KCNT2: variants seen among roughly 807,000 people sequenced by gnomAD.
The protein encoded by KCNT2 is potassium channel subfamily T member 2.
In KCNT2, 67 loss-of-function variants were observed where a neutral mutation model predicts 153.8. The ratio of observed to expected loss-of-function variants is 0.44; its 90% CI spans 0.36 to 0.53. KCNT2 has a LOEUF of 0.53. Ranked by LOEUF, KCNT2 falls within the 20% of genes least tolerant of loss-of-function variation. KCNT2 has a pLI of 0.00. For synonymous variants in KCNT2, 500 were observed against 458.8 expected, an observed-to-expected ratio of 1.09 and a Z score of -1.15; for missense variants, 975 against 1,354.8, an observed-to-expected ratio of 0.72 and a Z score of 4.40.
At chr1:196,538,012 C>G (rs565952387) in intron 1 of KCNT2, among the ~76,000 whole-genome samples, 37 of 152,304 alleles carry the variant, frequency 2.4e-4, no homozygotes, top group African/African-American at 8.7e-4. Flanking sequence ...AACTCCTTTC[C>G]TGAGCTGTGT....
chr1:196,375,998 A>G (rs1668934929), intron 13 of KCNT2, among the ~76,000 whole-genome samples: 1 of 151,902 alleles, frequency 6.6e-6, no homozygotes, highest in African/African-American at 2.4e-5. Flanking sequence ...AACTGCTTCT[A>G]TATCTAGACT....
intron 5 of KCNT2, among the ~76,000 whole-genome samples, chr1:196,474,432 T>C (rs1371030084): frequency 6.6e-6 from 1 of 152,168 alleles, no homozygotes; most frequent in Non-Finnish European, 1.5e-5. Context: ...TATTTCTACA[T>C]ATAAACCCAA....
rs573682623 is a variant in KCNT2 at position 196,226,343 on chromosome 1, T to C, written c.*1881A>G. On this transcript the variant is annotated 3_prime_UTR_variant, in exon 28 of 28. Transcript: ENST00000294725. ...CATAAAATTTATTGTTTTTCTCTGT[T>C]ACATATATTAGTTCCATTCTGCCTT... 1 of 152,040 alleles carries C rather than the reference T, an allele frequency of 6.6e-6. No individual in the cohort carries two copies. Among genetic ancestry groups the C allele is most frequent in the Non-Finnish European group, 1.5e-5 (1 of 67,880 alleles). The allele number at this position is 152,040 out of a possible 1,614,324, so 9.4% of individuals were successfully genotyped here. A position where few individuals can be genotyped will look rare whatever the true frequency, so the allele number is the denominator to read the frequency against.
intron 25 of KCNT2, among the ~76,000 whole-genome samples, chr1:196,264,205 G>A (rs1406937934): frequency 2.0e-5 from 3 of 152,090 alleles, no homozygotes. Flanking sequence ...TTAATATCAT[G>A]TAACTGCTAA....
intron 1 of KCNT2, among the ~76,000 whole-genome samples, chr1:196,494,460 C>T (rs1282758121): frequency 6.6e-6 from 1 of 151,924 alleles, no homozygotes; most frequent in Non-Finnish European, 1.5e-5. Flanking sequence ...AGTGCAGTGG[C>T]GCGATCTCAG....
chr1:196,436,875 T>C (rs1674711046), intron 8 of KCNT2, among the ~76,000 whole-genome samples: 1 of 148,270 alleles, frequency 6.7e-6, no homozygotes, highest in African/African-American at 2.5e-5. Flanking sequence ...ATATATTACA[T>C]TAAAAGTGGC....
At position 196,452,466 on chromosome 1, in the gene KCNT2, C is replaced by T. The variant is rs1676302814; in HGVS notation, c.638+12827G>A. 3.3e-5 allele frequency among the ~76,000 whole-genome samples: 5 copies of T among 152,100 alleles called. No individual in the cohort carries two copies. In the South Asian group the frequency reaches 1.0e-3, roughly 31 times the overall value. The stretch of plus-strand genomic sequence containing the variant: ...ACTAACTCTCCTATATGGTCTCAGT[C>T]TCCATTCATGTAGATGACTCCCTCA... On this transcript the variant is annotated intron_variant, in intron 8 of 27. Transcript: ENST00000294725.
At chr1:196,562,989 T>C (rs914834267) in intron 1 of KCNT2, among the ~76,000 whole-genome samples, 1 of 152,038 alleles carries the variant, frequency 6.6e-6, no homozygotes, top group Non-Finnish European at 1.5e-5. Flanking sequence ...AAATACTTTA[T>C]TATTTAGAGG....
At chr1:196,552,159 GA>G (rs1391798648) in intron 1 of KCNT2, among the ~76,000 whole-genome samples, 4 of 150,942 alleles carry the variant, frequency 2.7e-5, no homozygotes, top group South Asian at 2.1e-4. Flanking sequence ...GAAAAAATGA[GA>G]AAAAAAGTAA....
At chr1:196,485,380 T>C (rs1679339644) in intron 3 of KCNT2, among the ~76,000 whole-genome samples, 1 of 152,018 alleles carries the variant, frequency 6.6e-6, no homozygotes, top group Admixed American at 6.6e-5. Context: ...TATAGCAGAT[T>C]TGGTGAAATT....
At chr1:196,555,828 A>G (rs1326597274) in intron 1 of KCNT2, among the ~76,000 whole-genome samples, 1 of 151,294 alleles carries the variant, frequency 6.6e-6, no homozygotes, top group Admixed American at 6.6e-5. Context: ...AAAACAATAA[A>G]GAACCCAAAA....
chr1:196,476,851 G>A (rs989653372), intron 5 of KCNT2, among the ~76,000 whole-genome samples: 15 of 152,112 alleles, frequency 9.9e-5, no homozygotes, highest in African/African-American at 3.6e-4. Context: ...ACCTGCCCCA[G>A]TCAAACAACA....
chr1:196,463,387 G>C (rs748074284), intron 8 of KCNT2, among the ~76,000 whole-genome samples: 3 of 151,684 alleles, frequency 2.0e-5, no homozygotes, highest in Non-Finnish European at 4.4e-5. Context: ...GTAATGCAGA[G>C]AAGAATACAC....
intron 1 of KCNT2, among the ~76,000 whole-genome samples, chr1:196,597,455 T>C (rs1258376690): frequency 1.3e-5 from 2 of 151,996 alleles, no homozygotes; most frequent in Admixed American, 6.6e-5. Flanking sequence ...CAATTCTCTA[T>C]AGTTATATCA....
chr1:196,439,704 T>C (rs1271311140), intron 8 of KCNT2, among the ~76,000 whole-genome samples: 2 of 152,050 alleles, frequency 1.3e-5, no homozygotes, highest in African/African-American at 4.8e-5. Flanking sequence ...ATTTGGATTT[T>C]GTATTTTATT....
At chr1:196,564,947 T>C (rs905561720) in intron 1 of KCNT2, among the ~76,000 whole-genome samples, 1 of 151,688 alleles carries the variant, frequency 6.6e-6, no homozygotes, top group Non-Finnish European at 1.5e-5. Context: ...CCCTTATGCA[T>C]AGGCAACAAA....
At chr1:196,454,901 T>C (rs1383874276) in intron 8 of KCNT2, among the ~76,000 whole-genome samples, 1 of 151,982 alleles carries the variant, frequency 6.6e-6, no homozygotes, top group East Asian at 1.9e-4. Context: ...GGCTCACTAC[T>C]AGAAGCTCTA....
chr1:196,567,971 A>G (rs1036868741), intron 1 of KCNT2, among the ~76,000 whole-genome samples: 1 of 152,176 alleles, frequency 6.6e-6, no homozygotes, highest in African/African-American at 2.4e-5. Flanking sequence ...TGCAGCATAG[A>G]AGTCATCACC....
At chr1:196,539,914 T>C (rs905728498) in intron 1 of KCNT2, among the ~76,000 whole-genome samples, 12 of 151,946 alleles carry the variant, frequency 7.9e-5, no homozygotes, top group African/African-American at 2.9e-4. Context: ...TTAGTTGTTA[T>C]TACTTTAACA....
Sources: allele counts gnomAD v4.1 joint callset (sites outside exome capture counted in the v4.1 genomes callset), GRCh38; gene constraint gnomAD v4.1.1; transcripts MANE v1.5; gene names NCBI Gene and HGNC (gene_info 2026-07-23, HGNC 2026-07-21).